The following MAP3K4 variants were observed in gnomAD, a reference collection of about 807,000 sequenced individuals.
MAP3K4 encodes the protein mitogen-activated protein kinase kinase kinase 4, also known as MAP three kinase 1.
A neutral mutation model predicts 185.6 loss-of-function variants in MAP3K4; 67 were observed. The ratio of observed to expected loss-of-function variants is 0.36; its 90% CI spans 0.30 to 0.44. The LOEUF (loss-of-function observed/expected upper bound fraction) is 0.44. MAP3K4 is among the 20% of genes least tolerant of loss of function. MAP3K4 has a pLI of 1.00. For synonymous variants in MAP3K4, 702 were observed against 710.4 expected, an observed-to-expected ratio of 0.99 and a Z score of 0.19; for missense variants, 1,551 against 1,995.1, an observed-to-expected ratio of 0.78 and a Z score of 4.24.
In MAP3K4 at chr6:161,088,545, C is replaced by T. The variant is rs543538198; in HGVS notation, c.2823+591C>T. On this transcript the variant is annotated intron_variant, in intron 10 of 26. Coordinates refer to ENST00000392142, the MANE Select transcript of MAP3K4 (RefSeq NM_005922.4). This position sits in a 1 kb window ranked among gnomAD's most constrained non-coding sequence, Gnocchi z 4.5. ...CCCCAACAACTCTGCTTTTATATTC[C>T]GTCTCAGTGAATGGTTCCGCGTTCA... Among the ~76,000 whole-genome samples, 1 of 152,168 alleles carries T rather than the reference C, an allele frequency of 6.6e-6. No homozygotes were observed. The highest frequency in any genetic ancestry group is 1.5e-5 in the Non-Finnish European group (1 of 68,034).
chr6:161,112,729 C>T lies in MAP3K4; in HGVS notation c.4581C>T (p.Asp1527=). ...AKGEGHGRAA[D]IWSLGCVVIE... ...GAGAGGGCCATGGGCGTGCGGCCGA[C>T]ATCTGGAGTCTGGGGTGTGTTGTCA... is the stretch of plus-strand genomic sequence containing the variant. The change falls in exon 25 of 27, where the codon GAC becomes GAT. Residue 1527 remains aspartate (D), a synonymous_variant. Coordinates refer to ENST00000392142, the MANE Select transcript of MAP3K4 (RefSeq NM_005922.4). The surrounding 1 kb of genome is among the most constrained non-coding windows in gnomAD (Gnocchi z 5.1). 1.2e-6 allele frequency: 2 copies of T among 1,609,112 alleles called. No individual in the cohort carries two copies. Among genetic ancestry groups the T allele is most frequent in the Non-Finnish European group, 1.7e-6 (2 of 1,178,214 alleles).
chr6:161,116,978 CT>C lies in MAP3K4; in HGVS notation c.*109del. On this transcript the variant is annotated 3_prime_UTR_variant, in exon 27 of 27. Transcript: ENST00000392142. This position sits in a 1 kb window ranked among gnomAD's most constrained non-coding sequence, Gnocchi z 6.2. ...TATAAGCCTTTTTAACCTTCCAAGA[CT>C]GAAGACTGCACAGGTGACAAGCGTC... 3 of 1,001,564 alleles carry C rather than the reference CT, an allele frequency of 3.0e-6. No homozygotes were observed. In the Admixed American group the frequency reaches 5.5e-5, roughly 18 times the overall value. 62.0% of individuals were successfully genotyped at this position (1,001,564 alleles called of 1,614,324 possible).
chr6:161,103,550 G>A lies in MAP3K4; in HGVS notation c.3856+771G>A, dbSNP rs534022303. On this transcript the variant is annotated intron_variant, in intron 19 of 26. Transcript: ENST00000392142. This position sits in a 1 kb window ranked among gnomAD's most constrained non-coding sequence, Gnocchi z 4.6. ...ACCCAGAGGCCTCGTGACTACAGGG[G>A]AGAGCCACTGGGCGCAGATGCCAAT... Among the ~76,000 whole-genome samples the A allele has an allele frequency of 6.6e-6, 1 of 152,314 alleles. No homozygotes were observed. Among genetic ancestry groups the A allele is most frequent in the Admixed American group, 6.5e-5 (1 of 15,310 alleles).
Position 161,080,650 on chromosome 6 carries a change from G to A in MAP3K4, c.2098-231G>A, listed in dbSNP as rs992324716. 2.1e-6 allele frequency: 1 copy of A among 467,254 alleles called. No homozygotes were observed. The highest frequency in any genetic ancestry group is 3.8e-6 in the Non-Finnish European group (1 of 261,110). 28.9% of individuals were successfully genotyped at this position (467,254 alleles called of 1,614,324 possible). ...TTTTTGTTGTTAGGATTTTGAAGGG[G>A]TTGTCAATAATATGTTAAATTGCTG... On this transcript the variant is annotated intron_variant, in intron 5 of 26. Transcript: ENST00000392142. This position sits in a 1 kb window ranked among gnomAD's most constrained non-coding sequence, Gnocchi z 4.8.
chr6:161,062,334 C>T (rs1784519157), intron 3 of MAP3K4, among the ~76,000 whole-genome samples: 1 of 152,134 alleles, frequency 6.6e-6, no homozygotes, highest in African/African-American at 2.4e-5. Flanking sequence ...AATCATACAG[C>T]CGTGTATGAC....
In MAP3K4 at chr6:161,093,512, A is replaced by G. The variant is rs1297383990; in HGVS notation, c.3349-261A>G. 6.6e-6 allele frequency among the ~76,000 whole-genome samples: 1 copy of G among 152,240 alleles called. No homozygotes were observed. The highest frequency in any genetic ancestry group is 2.4e-5 in the African/African-American group (1 of 41,454). ...TTCTCCCAGTAGTAGAGACGATTAC[A>G]TGAAAAGTTCTTTGCTTGTACACGT... On this transcript the variant is annotated intron_variant, in intron 14 of 26. Transcript: ENST00000392142. This position sits in a 1 kb window ranked among gnomAD's most constrained non-coding sequence, Gnocchi z 5.2.
intron 3 of MAP3K4, among the ~76,000 whole-genome samples, chr6:161,069,304 G>A (rs1328633644): frequency 6.6e-6 from 1 of 152,156 alleles, no homozygotes; most frequent in Non-Finnish European, 1.5e-5. Context: ...GTATTTTAGT[G>A]GCATGCTGTT....
intron 1 of MAP3K4, among the ~76,000 whole-genome samples, chr6:161,023,507 G>C (rs377221097): frequency 6.6e-6 from 1 of 152,210 alleles, no homozygotes; most frequent in Non-Finnish European, 1.5e-5. Flanking sequence ...AGAATTTGCC[G>C]TTAAAATAGG....
intron 2 of MAP3K4, among the ~76,000 whole-genome samples, chr6:161,038,523 A>G (rs1301889517): frequency 2.6e-5 from 4 of 152,364 alleles, no homozygotes; most frequent in East Asian, 1.9e-4. Context: ...GAGTCATACT[A>G]TTAACTTTAG....
chr6:161,037,382 A>C lies in MAP3K4; in HGVS notation c.343+2933A>C, dbSNP rs1285088300. The stretch of plus-strand genomic sequence containing the variant: ...ATAGTGTTGTTAGGATTATGTATTC[A>C]GTATTAGTTATCATCATTATTATTG... On this transcript the variant is annotated intron_variant, in intron 2 of 26. Coordinates refer to ENST00000392142, the MANE Select transcript of MAP3K4 (RefSeq NM_005922.4). This position sits in a 1 kb window ranked among gnomAD's most constrained non-coding sequence, Gnocchi z 4.2. 6.6e-6 allele frequency among the ~76,000 whole-genome samples: 1 copy of C among 152,144 alleles called. No individual in the cohort carries two copies. Among genetic ancestry groups the C allele is most frequent in the Non-Finnish European group, 1.5e-5 (1 of 68,024 alleles).
chr6:161,005,380 T>C (rs1257862593), intron 1 of MAP3K4, among the ~76,000 whole-genome samples: 1 of 152,104 alleles, frequency 6.6e-6, no homozygotes, highest in African/African-American at 2.4e-5. Context: ...GCTCAAGCAA[T>C]CTGCCTGCCT....
At position 161,074,095 on chromosome 6, in the gene MAP3K4, G is replaced by C. The variant is rs1785066616; in HGVS notation, c.2097+483G>C. Among the ~76,000 whole-genome samples the C allele has an allele frequency of 6.6e-6, 1 of 152,204 alleles. No individual in the cohort carries two copies. The highest frequency in any genetic ancestry group is 2.1e-4 in the South Asian group (1 of 4,828). On this transcript the variant is annotated intron_variant, in intron 5 of 26. Coordinates refer to ENST00000392142, the MANE Select transcript of MAP3K4 (RefSeq NM_005922.4). This position sits in a 1 kb window ranked among gnomAD's most constrained non-coding sequence, Gnocchi z 5.0. ...AAGATCAACAAGACACTCGTAGTCT[G>C]GTGGGACTAGGCATGGTAGATGGTA...
Position 160,991,963 on chromosome 6 carries a change from C to T in MAP3K4, c.32C>T (p.Pro11Leu), listed in dbSNP as rs1354152519. 11 of 1,547,064 alleles carry T rather than the reference C, an allele frequency of 7.1e-6. No homozygotes were observed. Among genetic ancestry groups the T allele is most frequent in the African/African-American group, 1.4e-5 (1 of 71,918 alleles). Residue 11 changes from proline to leucine, a missense_variant, in exon 1 of 27, where the codon CCT (proline) becomes CTT (leucine). Transcript: ENST00000392142. This position sits in a 1 kb window ranked among gnomAD's most constrained non-coding sequence, Gnocchi z 5.7. The part of the protein sequence containing the change: MREAAAALVP[P>L]PAFAVTPAAA... ...GAAGCCGCTGCCGCGCTGGTCCCTC[C>T]TCCCGCCTTTGCCGTCACGCCTGCC...
intron 19 of MAP3K4, among the ~76,000 whole-genome samples, chr6:161,104,216 A>G (rs1387046525): frequency 6.6e-6 from 1 of 151,038 alleles, no homozygotes; most frequent in African/African-American, 2.4e-5. Flanking sequence ...GGAGTTCAAG[A>G]CCAGCCTGAC....
At chr6:161,014,021 C>T (rs1781968888) in intron 1 of MAP3K4, among the ~76,000 whole-genome samples, 1 of 152,200 alleles carries the variant, frequency 6.6e-6, no homozygotes. Context: ...TCATTGTAAA[C>T]TCTAAAAGAG....
At chr6:160,993,206 G>C (rs1562465763) in intron 1 of MAP3K4, among the ~76,000 whole-genome samples, 1 of 151,954 alleles carries the variant, frequency 6.6e-6, no homozygotes, top group Admixed American at 6.6e-5. Context: ...AGATAGTTCT[G>C]GGTACTTCTA....
chr6:161,051,678 T>C lies in MAP3K4; in HGVS notation c.1707+1699T>C, dbSNP rs956903783. 1.3e-5 allele frequency among the ~76,000 whole-genome samples: 2 copies of C among 152,220 alleles called. No individual in the cohort carries two copies. The highest frequency in any genetic ancestry group is 4.8e-5 in the African/African-American group (2 of 41,446). On this transcript the variant is annotated intron_variant, in intron 3 of 26. Transcript: ENST00000392142. The surrounding 1 kb of genome is among the most constrained non-coding windows in gnomAD (Gnocchi z 4.2). ...AGGGGGATTTGTTCCAGGACCCCCA[T>C]GGACACTCAAATCCTTGGATGCTCC...
rs763152041 is a variant in MAP3K4 at position 161,049,136 on chromosome 6, T to C, written c.864T>C (p.Arg288=). 1 of 1,614,122 alleles carries C rather than the reference T, an allele frequency of 6.2e-7. No individual in the cohort carries two copies. The highest frequency in any genetic ancestry group is 1.7e-5 in the Admixed American group (1 of 60,016). ...NDQDFFLYTA[R]QAIPDIINEI... is the part of the protein sequence containing the mutation. Reference sequence around the variant, plus strand: ...AGGACTTCTTTTTATATACAGCCCGTCAAGCCATCCCAGATATTATTAATG... The same window carrying C: ...AGGACTTCTTTTTATATACAGCCCGCCAAGCCATCCCAGATATTATTAATG... Residue 288 remains arginine (R), a synonymous_variant, in exon 3 of 27, where the codon CGT becomes CGC. Coordinates refer to ENST00000392142, the MANE Select transcript of MAP3K4 (RefSeq NM_005922.4). This position sits in a 1 kb window ranked among gnomAD's most constrained non-coding sequence, Gnocchi z 8.4.
At position 161,109,826 on chromosome 6, in the gene MAP3K4, G is replaced by C. The variant is rs781766756; in HGVS notation, c.4308G>C (p.Gln1436His). The C allele has an allele frequency of 6.2e-6, 10 of 1,614,160 alleles. No homozygotes were observed. The South Asian group carries it at 9.9e-5, about 16-fold the overall frequency. Reference protein sequence around the residue: ...TLEEVSRLGLQEHVIRLYSKQ... With the variant: ...TLEEVSRLGLHEHVIRLYSKQ... The stretch of plus-strand genomic sequence containing the variant: ...AAGAGGTGTCAAGGCTGGGACTTCA[G>C]GAACATGTGATTAGGCTGTATTCAA... The change falls in exon 23 of 27, where the codon CAG becomes CAC. Residue 1436 changes from glutamine to histidine, a missense_variant. Transcript: ENST00000392142. The surrounding 1 kb of genome is among the most constrained non-coding windows in gnomAD (Gnocchi z 5.7).
Sources: allele counts gnomAD v4.1 joint callset (sites outside exome capture counted in the v4.1 genomes callset), GRCh38; gene constraint gnomAD v4.1.1; non-coding constraint Gnocchi (gnomAD v3.1); transcripts MANE v1.5; gene names NCBI Gene and HGNC (gene_info 2026-07-23, HGNC 2026-07-21).